TNNC1: variants seen among roughly 807,000 people sequenced by gnomAD.
TNNC1 encodes troponin C, slow skeletal and cardiac muscles.
In TNNC1, 10 loss-of-function variants were observed where a neutral mutation model predicts 19.6. The observed-to-expected ratio is 0.51, with a 90% confidence interval of 0.31 to 0.87. TNNC1 has a LOEUF of 0.87. Among genes scored for constraint, TNNC1 ranks in the 40% least tolerant of loss-of-function variants. The pLI, the probability that TNNC1 is intolerant of heterozygous loss-of-function variation, is 0.04. For synonymous variants in TNNC1, 85 were observed against 80.1 expected (o/e 1.06, Z -0.33); for missense variants, 115 against 219.8 (o/e 0.52, Z 3.02).
intron 1 of TNNC1, 26 bp downstream of exon 1, chr3:52,453,966 C>T (rs779540814): frequency 9.5e-6 from 15 of 1,581,242 alleles, no homozygotes; most frequent in Admixed American, 3.5e-5. Flanking sequence ...CTGCCCACCC[C>T]AGCCCTACCC....
rs574990201 is a variant in TNNC1, at chr3:52,452,899, G to C, written c.25-386C>G. On this transcript the variant is annotated intron_variant, in intron 1 of 5. Coordinates refer to ENST00000232975, the MANE Select transcript of TNNC1 (RefSeq NM_003280.3). The surrounding 1 kb of genome is among the most constrained non-coding windows in gnomAD (Gnocchi z 5.2). ...CAAGCCACCCACGGTAACCTGACCA[G>C]GGTGGCCACTGGGCTATTTTTAACG... 5 of 337,402 alleles carry C rather than the reference G, an allele frequency of 1.5e-5. No individual in the cohort carries two copies. Among genetic ancestry groups the C allele is most frequent in the African/African-American group, 6.3e-5 (3 of 47,706 alleles). 20.9% of individuals were successfully genotyped at this position (337,402 alleles called of 1,614,324 possible). A position where few individuals can be genotyped will look rare whatever the true frequency, so the allele number is the denominator to read the frequency against.
Position 52,451,475 on chromosome 3 carries a change from TAGCCTGC to T in TNNC1, c.363_369del (p.Thr124ArgfsTer12). On this transcript the variant is annotated frameshift_variant, in exon 5 of 6. Transcript: ENST00000232975. LOFTEE classifies it high-confidence loss of function. The surrounding 1 kb of genome is among the most constrained non-coding windows in gnomAD (Gnocchi z 4.8). ...TCGTCCTCCGTGATGGTCTCGCCTGTAGCCTGCAGCATTATCTTCAGCTCATCCAGGT... is the reference window on the plus strand; with the variant it reads ...TCGTCCTCCGTGATGGTCTCGCCTGTAGCATTATCTTCAGCTCATCCAGGT... 2 of 1,614,208 alleles carry T rather than the reference TAGCCTGC, an allele frequency of 1.2e-6. No individual in the cohort carries two copies. The highest frequency in any genetic ancestry group is 4.5e-5 in the East Asian group (2 of 44,884).
chr3:52,451,404 G>A lies in TNNC1; in HGVS notation c.441C>T (p.Arg147=). 1.2e-6 allele frequency: 2 copies of A among 1,614,194 alleles called. No individual in the cohort carries two copies. The highest frequency in any genetic ancestry group is 1.7e-6 in the Non-Finnish European group (2 of 1,180,020). The change falls in exon 5 of 6, where the codon CGC becomes CGT. Residue 147 remains arginine (R), a synonymous_variant. Transcript: ENST00000232975. This position sits in a 1 kb window ranked among gnomAD's most constrained non-coding sequence, Gnocchi z 4.8. ...CCACCCGCTTACCATCATAGTCGAT[G>A]CGGCCGTCGTTGTTCTTGTCTCCGT... ...MKDGDKNNDG[R]IDYDEFLEFM...
rs201813958 is a variant in TNNC1 at position 52,451,713 on chromosome 3, C to T, written c.317+31G>A. 2.0e-4 allele frequency: 316 copies of T among 1,605,872 alleles called. No individual in the cohort carries two copies. The African/African-American group carries it at 4.1e-3, about 21-fold the overall frequency. On this transcript the variant is annotated intron_variant, in intron 4 of 5. Transcript: ENST00000232975. The surrounding 1 kb of genome is among the most constrained non-coding windows in gnomAD (Gnocchi z 4.8). ...TGTACAGCTCGGCTTGAGTGTGGGTCAGGGTCAGAGGTCAAGGGTCACGTG... is the reference window on the plus strand; with the variant it reads ...TGTACAGCTCGGCTTGAGTGTGGGTTAGGGTCAGAGGTCAAGGGTCACGTG...
Position 52,451,898 on chromosome 3 carries a change from G to T in TNNC1, c.203-40C>A. 6.3e-7 allele frequency: 1 copy of T among 1,590,542 alleles called. No individual in the cohort carries two copies. On this transcript the variant is annotated intron_variant, in intron 3 of 5. Coordinates refer to ENST00000232975, the MANE Select transcript of TNNC1 (RefSeq NM_003280.3). This position sits in a 1 kb window ranked among gnomAD's most constrained non-coding sequence, Gnocchi z 4.8. ...CATGGCCGTTACAGAGGCCAGGGTA[G>T]GTACTGCAGGCAGCACCTTCGACAC...
At chr3:52,453,254 T>C (rs55995010) in intron 1 of TNNC1, among the ~76,000 whole-genome samples, 14 of 152,256 alleles carry the variant, frequency 9.2e-5, no homozygotes, top group Non-Finnish European at 1.8e-4. Flanking sequence ...CCACCCAGGA[T>C]AGAATAGCAT....
Position 52,451,364 on chromosome 3 carries a change from A to G in TNNC1, c.454+27T>C, listed in dbSNP as rs1401684714. Reference sequence around the variant, plus strand: ...TAGGGGCTGGGCAGGGCATGGAGGCAGGAGATCAGCCCACCCACCCGCTTA... The same window carrying G: ...TAGGGGCTGGGCAGGGCATGGAGGCGGGAGATCAGCCCACCCACCCGCTTA... On this transcript the variant is annotated intron_variant, in intron 5 of 5. Coordinates refer to ENST00000232975, the MANE Select transcript of TNNC1 (RefSeq NM_003280.3). The surrounding 1 kb of genome is among the most constrained non-coding windows in gnomAD (Gnocchi z 4.8). The G allele has an allele frequency of 6.2e-7, 1 of 1,614,128 alleles. No homozygotes were observed. Among genetic ancestry groups the G allele is most frequent in the Admixed American group, 1.7e-5 (1 of 60,014 alleles).
rs141289590 is a variant in TNNC1 at position 52,451,470 on chromosome 3, G to A, written c.375C>T (p.Gly125=). Residue 125 remains glycine, a synonymous_variant, in exon 5 of 6, where the codon GGC becomes GGT. Transcript: ENST00000232975. The surrounding 1 kb of genome is among the most constrained non-coding windows in gnomAD (Gnocchi z 4.8). ...CGATGTCGTCCTCCGTGATGGTCTC[G>A]CCTGTAGCCTGCAGCATTATCTTCA... ...DELKIMLQAT[G]ETITEDDIEE... 7.4e-6 allele frequency: 12 copies of A among 1,613,990 alleles called. No individual in the cohort carries two copies. Among genetic ancestry groups the A allele is most frequent in the Admixed American group, 5.0e-5 (3 of 60,000 alleles).
chr3:52,451,482 C>A lies in TNNC1; in HGVS notation c.363G>T (p.Leu121=), dbSNP rs773410670. 6.2e-7 allele frequency: 1 copy of A among 1,614,164 alleles called. No individual in the cohort carries two copies. The highest frequency in any genetic ancestry group is 1.7e-5 in the Admixed American group (1 of 60,028). The part of the protein sequence containing the change: ...YIDLDELKIM[L]QATGETITED... ...CCGTGATGGTCTCGCCTGTAGCCTG[C>A]AGCATTATCTTCAGCTCATCCAGGT... Residue 121 remains leucine, a synonymous_variant, in exon 5 of 6, where the codon CTG becomes CTT. Coordinates refer to ENST00000232975, the MANE Select transcript of TNNC1 (RefSeq NM_003280.3). The surrounding 1 kb of genome is among the most constrained non-coding windows in gnomAD (Gnocchi z 4.8).
At chr3:52,453,772 A>G (rs1263274365) in intron 1 of TNNC1, among the ~76,000 whole-genome samples, 1 of 152,202 alleles carries the variant, frequency 6.6e-6, no homozygotes, top group African/African-American at 2.4e-5. Flanking sequence ...ACGATGCTGA[A>G]AGCTGCAACC....
chr3:52,452,029 T>C lies in TNNC1; in HGVS notation c.202+77A>G. ...CCAAGGCTCGGATAGGCTAAATTGC[T>C]CCCAGCTAAACAGAGCCAGCATTCC... On this transcript the variant is annotated intron_variant, in intron 3 of 5. Coordinates refer to ENST00000232975, the MANE Select transcript of TNNC1 (RefSeq NM_003280.3). This position sits in a 1 kb window ranked among gnomAD's most constrained non-coding sequence, Gnocchi z 5.2. 6.2e-7 allele frequency: 1 copy of C among 1,609,036 alleles called. No individual in the cohort carries two copies. The highest frequency in any genetic ancestry group is 2.2e-5 in the East Asian group (1 of 44,822).
Position 52,451,462 on chromosome 3 carries a change from A to C in TNNC1, c.383T>G (p.Ile128Ser). 6.2e-7 allele frequency: 1 copy of C among 1,614,010 alleles called. No homozygotes were observed. The highest frequency in any genetic ancestry group is 8.5e-7 in the Non-Finnish European group (1 of 1,179,990). Reference protein sequence around the residue: ...KIMLQATGETITEDDIEELMK... With the variant: ...KIMLQATGETSTEDDIEELMK... ...GAGCTCCTCGATGTCGTCCTCCGTG[A>C]TGGTCTCGCCTGTAGCCTGCAGCAT... The change falls in exon 5 of 6, where the codon ATC becomes AGC. Residue 128 changes from isoleucine (I) to serine (S), a missense_variant. Ile to Ser is a moderately radical substitution (Grantham distance 142). This residue lies in a region of TNNC1 where 96 missense variants were observed against 114.2 expected (regional missense o/e 0.84). Coordinates refer to ENST00000232975, the MANE Select transcript of TNNC1 (RefSeq NM_003280.3). This position sits in a 1 kb window ranked among gnomAD's most constrained non-coding sequence, Gnocchi z 4.8.
Position 52,451,100 on chromosome 3 carries a change from T to C in TNNC1, c.*175A>G. 1 of 777,098 alleles carries C rather than the reference T, an allele frequency of 1.3e-6. No individual in the cohort carries two copies. The highest frequency in any genetic ancestry group is 2.2e-6 in the Non-Finnish European group (1 of 457,264). 48.1% of individuals were successfully genotyped at this position (777,098 alleles called of 1,614,324 possible). A position where few individuals can be genotyped will look rare whatever the true frequency, so the allele number is the denominator to read the frequency against. ...GGACACCAGAGCCAGATAGCAGACC[T>C]TGGGAGAGCAGGCTTTATTTGCATC... On this transcript the variant is annotated 3_prime_UTR_variant, in exon 6 of 6. Coordinates refer to ENST00000232975, the MANE Select transcript of TNNC1 (RefSeq NM_003280.3). This position sits in a 1 kb window ranked among gnomAD's most constrained non-coding sequence, Gnocchi z 4.8.
In TNNC1 at chr3:52,452,340, G is replaced by A; in HGVS notation, c.56-88C>T. 1 of 1,596,880 alleles carries A rather than the reference G, an allele frequency of 6.3e-7. No individual in the cohort carries two copies. Among genetic ancestry groups the A allele is most frequent in the Non-Finnish European group, 8.5e-7 (1 of 1,174,626 alleles). On this transcript the variant is annotated intron_variant, in intron 2 of 5. Transcript: ENST00000232975. This position sits in a 1 kb window ranked among gnomAD's most constrained non-coding sequence, Gnocchi z 5.2. ...GAACCCTGGGGCCACCTGCCAACCT[G>A]CCCACCTCCCTCGGAGACCTCTCTG...
chr3:52,451,714 A>G lies in TNNC1; in HGVS notation c.317+30T>C. ...GTACAGCTCGGCTTGAGTGTGGGTC[A>G]GGGTCAGAGGTCAAGGGTCACGTGC... On this transcript the variant is annotated intron_variant, in intron 4 of 5. Coordinates refer to ENST00000232975, the MANE Select transcript of TNNC1 (RefSeq NM_003280.3). This position sits in a 1 kb window ranked among gnomAD's most constrained non-coding sequence, Gnocchi z 4.8. 1 of 1,605,018 alleles carries G rather than the reference A, an allele frequency of 6.2e-7. No homozygotes were observed. The highest frequency in any genetic ancestry group is 8.5e-7 in the Non-Finnish European group (1 of 1,171,732).
chr3:52,453,320 G>T (rs1706356821), intron 1 of TNNC1, among the ~76,000 whole-genome samples: 1 of 152,222 alleles, frequency 6.6e-6, no homozygotes, highest in African/African-American at 2.4e-5. Flanking sequence ...CCACTCTCCA[G>T]CCCTCATTCC....
chr3:52,452,525 A>C lies in TNNC1; in HGVS notation c.25-12T>G, dbSNP rs1249744364. On this transcript the variant is annotated splice_polypyrimidine_tract_variant and intron_variant, in intron 1 of 5. Coordinates refer to ENST00000232975, the MANE Select transcript of TNNC1 (RefSeq NM_003280.3). The surrounding 1 kb of genome is among the most constrained non-coding windows in gnomAD (Gnocchi z 5.2). ...GTCAGCTGCTCTACCTAGAAAGGAA[A>C]GGGAATCTCAAGGCTCAGACTCAGG... The C allele has an allele frequency of 3.1e-6, 5 of 1,612,996 alleles. No homozygotes were observed. Among genetic ancestry groups the C allele is most frequent in the Non-Finnish European group, 4.2e-6 (5 of 1,179,546 alleles).
chr3:52,451,700 C>G lies in TNNC1; in HGVS notation c.317+44G>C. On this transcript the variant is annotated intron_variant, in intron 4 of 5. Coordinates refer to ENST00000232975, the MANE Select transcript of TNNC1 (RefSeq NM_003280.3). This position sits in a 1 kb window ranked among gnomAD's most constrained non-coding sequence, Gnocchi z 4.8. ...GAGACTGCCCTCCTGTACAGCTCGG[C>G]TTGAGTGTGGGTCAGGGTCAGAGGT... is the stretch of plus-strand genomic sequence containing the variant. The G allele has an allele frequency of 1.2e-6, 2 of 1,601,362 alleles. No homozygotes were observed. Among genetic ancestry groups the G allele is most frequent in the Non-Finnish European group, 1.7e-6 (2 of 1,168,446 alleles).
In TNNC1 at chr3:52,451,534, G is replaced by A. The variant is rs750230750; in HGVS notation, c.318-7C>T. ...GATGTAGCCATCAGCATTTCTGTGG[G>A]GAGGGGGCTCAGGGTAGGGCTGTGG... On this transcript the variant is annotated splice_region_variant and splice_polypyrimidine_tract_variant and intron_variant, in intron 4 of 5. Coordinates refer to ENST00000232975, the MANE Select transcript of TNNC1 (RefSeq NM_003280.3). This position sits in a 1 kb window ranked among gnomAD's most constrained non-coding sequence, Gnocchi z 4.8. 4 of 1,614,076 alleles carry A rather than the reference G, an allele frequency of 2.5e-6. No individual in the cohort carries two copies. The highest frequency in any genetic ancestry group is 3.3e-5 in the Admixed American group (2 of 60,026).
Sources: gnomAD v4.1 joint callset for allele counts (sites outside exome capture counted in the v4.1 genomes callset) on GRCh38, gnomAD v4.1.1 for gene constraint, gnomAD v4.1.1 regional missense constraint, Gnocchi (gnomAD v3.1) non-coding constraint, MANE v1.5 for transcripts, NCBI Gene and HGNC (gene_info 2026-07-23, HGNC 2026-07-21) for gene names.